The following VTA1 variants were observed in gnomAD, a reference collection of about 807,000 sequenced individuals.
The protein encoded by VTA1 is vesicle trafficking 1.
VTA1 carries 24 observed loss-of-function variants against 36.9 expected under a neutral mutation model. The ratio of observed to expected loss-of-function variants is 0.65; its 90% CI spans 0.47 to 0.91. VTA1 has a LOEUF of 0.91. Ranked by LOEUF, VTA1 falls within the 40% of genes least tolerant of loss-of-function variation. The probability of loss-of-function intolerance (pLI) is 0.00; values close to 1 mark genes in which losing one functional copy is unlikely to be tolerated. For synonymous variants in VTA1, 142 were observed against 130.2 expected (o/e 1.09, Z -0.62); for missense variants, 393 against 377.2 (o/e 1.04, Z -0.35).
rs896119029 is a variant in VTA1 at position 142,221,891 on chromosome 6, A to T, written c.*3248A>T. 3.3e-5 allele frequency: 5 copies of T among 151,186 alleles called. No individual in the cohort carries two copies. The highest frequency in any genetic ancestry group is 7.4e-5 in the Non-Finnish European group (5 of 67,988). The allele number at this position is 151,186 out of a possible 1,614,324, so 9.4% of individuals were successfully genotyped here. ...GAGGCTGAGGCAGGAGAATCGCTTG[A>T]ACCCAGGAGGCGGAGGTTGCAGTGA... On this transcript the variant is annotated 3_prime_UTR_variant, in exon 8 of 8. Coordinates refer to ENST00000367630, the MANE Select transcript of VTA1 (RefSeq NM_016485.5).
intron 3 of VTA1, 84 bp from the exon 4 acceptor site, chr6:142,170,262 A>T (rs1775002395): frequency 2.1e-6 from 2 of 966,528 alleles, no homozygotes; most frequent in Admixed American, 4.4e-5. Flanking sequence ...TAAAGATAGG[A>T]ATTTTTTTTC....
chr6:142,155,382 TATG>T (rs1778644738), intron 1 of VTA1, among the ~76,000 whole-genome samples: 1 of 152,206 alleles, frequency 6.6e-6, no homozygotes, highest in Non-Finnish European at 1.5e-5. Context: ...TTTATACATT[TATG>T]ATAAGCTCAA....
chr6:142,164,566 C>G (rs965555121), intron 1 of VTA1, among the ~76,000 whole-genome samples: 8 of 152,102 alleles, frequency 5.3e-5, no homozygotes, highest in Non-Finnish European at 1.2e-4. Context: ...AAATAGGTAA[C>G]TGTTTCGTGT....
intron 4 of VTA1, among the ~76,000 whole-genome samples, chr6:142,187,776 A>T (rs1775367629): frequency 1.3e-5 from 2 of 152,074 alleles, no homozygotes; most frequent in South Asian, 4.1e-4. Flanking sequence ...ATTTTTTTTT[A>T]GTTTTCTGTA....
intron 4 of VTA1, among the ~76,000 whole-genome samples, chr6:142,178,401 G>A (rs1002693202): frequency 6.6e-6 from 1 of 152,016 alleles, no homozygotes; most frequent in Non-Finnish European, 1.5e-5. Flanking sequence ...AACATTTTTA[G>A]GCAAGTTAAT....
intron 4 of VTA1, among the ~76,000 whole-genome samples, chr6:142,175,282 A>G (rs899121936): frequency 3.3e-5 from 5 of 151,824 alleles, no homozygotes; most frequent in Admixed American, 6.6e-5. Flanking sequence ...TGCAAGTCCA[A>G]GCTCCTCTGT....
chr6:142,148,994 T>C (rs191746610), intron 1 of VTA1, among the ~76,000 whole-genome samples: 1 of 152,344 alleles, frequency 6.6e-6, no homozygotes, highest in African/African-American at 2.4e-5. Flanking sequence ...CCCTGTATCA[T>C]GTATCTTTGT....
intron 7 of VTA1, among the ~76,000 whole-genome samples, chr6:142,210,354 C>T (rs1216928560): frequency 6.6e-6 from 1 of 152,142 alleles, no homozygotes; most frequent in Non-Finnish European, 1.5e-5. Flanking sequence ...TGCTCCAGGA[C>T]ATTGGTCTAT....
intron 5 of VTA1, among the ~76,000 whole-genome samples, chr6:142,194,834 G>A (rs1745740111): frequency 6.6e-6 from 1 of 151,878 alleles, no homozygotes; most frequent in African/African-American, 2.4e-5. Context: ...TTATTTCTAG[G>A]GTGCTGAGAA....
At position 142,181,457 on chromosome 6, in the gene VTA1, A is replaced by T. The variant is rs199937360; in HGVS notation, c.412-7969A>T. On this transcript the variant is annotated intron_variant, in intron 4 of 7. Coordinates refer to ENST00000367630, the MANE Select transcript of VTA1 (RefSeq NM_016485.5). The stretch of plus-strand genomic sequence containing the variant: ...CTGACACACACACTTTTTATATTTT[A>T]TATATATATATATATATGTATATGT... Among the ~76,000 whole-genome samples, 162 of 59,132 alleles carry T rather than the reference A, an allele frequency of 2.7e-3. 1 individual carries two copies. The highest frequency in any genetic ancestry group is 3.5e-3 in the Non-Finnish European group (135 of 38,570). The allele number at this position is 59,132 out of a possible 152,430, so 38.8% of individuals were successfully genotyped here. A position where few individuals can be genotyped will look rare whatever the true frequency, so the allele number is the denominator to read the frequency against.
intron 4 of VTA1, among the ~76,000 whole-genome samples, chr6:142,180,912 A>G (rs1775213466): frequency 6.6e-6 from 1 of 151,526 alleles, no homozygotes; most frequent in Non-Finnish European, 1.5e-5. Flanking sequence ...TGGGGGGAAA[A>G]TAACTACAAA....
At chr6:142,161,090 C>CCCCT (rs1562256116) in intron 1 of VTA1, among the ~76,000 whole-genome samples, 1 of 137,124 alleles carries the variant, frequency 7.3e-6, no homozygotes, top group Non-Finnish European at 1.5e-5. Flanking sequence ...CCCCCCCCCC[C>CCCCT]TTTTTTTGGG....
chr6:142,210,649 A>T (rs1775886455), intron 7 of VTA1, among the ~76,000 whole-genome samples: 1 of 152,244 alleles, frequency 6.6e-6, no homozygotes, highest in Admixed American at 6.5e-5. Context: ...AGAAATGCTC[A>T]GCATCACTAA....
chr6:142,200,950 CA>C (rs1775672606), intron 6 of VTA1, among the ~76,000 whole-genome samples: 1 of 151,940 alleles, frequency 6.6e-6, no homozygotes, highest in Non-Finnish European at 1.5e-5. Flanking sequence ...CTTTAACTTA[CA>C]AACTCTCAAG....
chr6:142,218,840 T>C lies in VTA1; in HGVS notation c.*197T>C. 1 of 557,788 alleles carries C rather than the reference T, an allele frequency of 1.8e-6. No individual in the cohort carries two copies. The highest frequency in any genetic ancestry group is 2.9e-6 in the Non-Finnish European group (1 of 340,250). 34.6% of individuals were successfully genotyped at this position (557,788 alleles called of 1,614,324 possible). ...AGTTTTCATTGTCCATTTACTAGATTCAATCGTCTCTGAGTATATAGGGCT... is the reference window on the plus strand; with the variant it reads ...AGTTTTCATTGTCCATTTACTAGATCCAATCGTCTCTGAGTATATAGGGCT... On this transcript the variant is annotated 3_prime_UTR_variant, in exon 8 of 8. Transcript: ENST00000367630.
In VTA1 at chr6:142,188,543, C is replaced by T. The variant is rs143500617; in HGVS notation, c.412-883C>T. 4.6e-4 allele frequency among the ~76,000 whole-genome samples: 70 copies of T among 152,208 alleles called. No individual in the cohort carries two copies. In the East Asian group the frequency reaches 0.013, roughly 29 times the overall value. On this transcript the variant is annotated intron_variant, in intron 4 of 7. Coordinates refer to ENST00000367630, the MANE Select transcript of VTA1 (RefSeq NM_016485.5). ...TAGTAAAACCACGTTCGCTCTGGAACGCTAATGTGCGTATAAATCACCTGG... is the reference window on the plus strand; with the variant it reads ...TAGTAAAACCACGTTCGCTCTGGAATGCTAATGTGCGTATAAATCACCTGG...
intron 4 of VTA1, among the ~76,000 whole-genome samples, chr6:142,181,116 T>TATATATATATATATAC (rs753996612): frequency 9.9e-4 from 86 of 86,994 alleles, no homozygotes; most frequent in Non-Finnish European, 1.5e-3. Flanking sequence ...TATATATATA[T>TATATATATATATATAC]ACACACACAC....
At chr6:142,211,711 T>TAAA (rs774060786) in intron 7 of VTA1, among the ~76,000 whole-genome samples, 2 of 72,940 alleles carry the variant, frequency 2.7e-5, no homozygotes, top group African/African-American at 4.0e-5. Flanking sequence ...ACTCCATCTC[T>TAAA]TAAAAAAAAA....
At position 142,213,999 on chromosome 6, in the gene VTA1, G is replaced by GT. The variant is rs375884348; in HGVS notation, c.779-4489dup. On this transcript the variant is annotated intron_variant, in intron 7 of 7. Transcript: ENST00000367630. ...CTTGAATTTTGCCCCAGAAAACAGG[G>GT]TTTTTTTTTTGTACCACATGATCAG... 5.8e-4 allele frequency among the ~76,000 whole-genome samples: 87 copies of GT among 150,718 alleles called. 1 individual carries two copies. Among genetic ancestry groups the GT allele is most frequent in the Middle Eastern group, 3.4e-3 (1 of 292 alleles).
Sources: gnomAD v4.1 joint callset for allele counts (sites outside exome capture counted in the v4.1 genomes callset) on GRCh38, gnomAD v4.1.1 for gene constraint, MANE v1.5 for transcripts, NCBI Gene and HGNC (gene_info 2026-07-23, HGNC 2026-07-21) for gene names.